Variants in TSPOAP1 observed in about 807,000 individuals in gnomAD.
The protein encoded by TSPOAP1 is TSPO associated protein 1.
A neutral mutation model predicts 197.0 loss-of-function variants in TSPOAP1; 87 were observed. That is an observed-to-expected ratio of 0.44 (90% CI 0.37 to 0.53). TSPOAP1 has a LOEUF of 0.53. TSPOAP1 is among the 20% of genes least tolerant of loss of function. The probability of loss-of-function intolerance (pLI) is 0.00; values close to 1 mark genes in which losing one functional copy is unlikely to be tolerated. For synonymous variants in TSPOAP1, 913 were observed against 998.9 expected, an observed-to-expected ratio of 0.91 and a Z score of 1.62; for missense variants, 2,174 against 2,411.3, an observed-to-expected ratio of 0.90 and a Z score of 2.06.
At chr17:58,314,754 ACAAAGGCAGGAGTCTT>A (rs2049645206) in intron 16 of TSPOAP1, among the ~76,000 whole-genome samples, 1 of 152,252 alleles carries the variant, frequency 6.6e-6, no homozygotes, top group African/African-American at 2.4e-5. Flanking sequence ...GGAGTGGGAG[ACAAAGGCAGGAGTCTT>A]CACACTAAGA....
At chr17:58,318,534 G>A in intron 13 of TSPOAP1, 82 bp from the exon 14 acceptor site, 1 of 1,375,190 alleles carries the variant, frequency 7.3e-7, no homozygotes, top group Admixed American at 2.4e-5. Flanking sequence ...TTGGATATGG[G>A]GACCAGGCCC....
chr17:58,319,421 C>T lies in TSPOAP1; in HGVS notation c.1495-127G>A, dbSNP rs550968205. ...ATCCACCCAGCCCCAGGCCTGGGCA[C>T]CAGCCTTGCCTTGGCCACCCCACTG... On this transcript the variant is annotated intron_variant, in intron 12 of 31. Coordinates refer to ENST00000343736, the MANE Select transcript of TSPOAP1 (RefSeq NM_004758.4). The T allele has an allele frequency of 3.7e-6, 4 of 1,074,898 alleles. No homozygotes were observed. The Admixed American group carries it at 1.1e-4, about 29-fold the overall frequency. The allele number at this position is 1,074,898 out of a possible 1,614,324, so 66.6% of individuals were successfully genotyped here.
In TSPOAP1 at chr17:58,310,922, G is replaced by T; in HGVS notation, c.3373C>A (p.Gln1125Lys). ...GCAGGGGGTGCTCCTGGAGGCTCTT[G>T]AGTTCCAAGGGGAGCAGGGTGCTGG... ...PLQHPAPLGT[Q>K]EPPGAPPASP... Residue 1125 changes from glutamine (Q) to lysine (K), a missense_variant, in exon 19 of 32, where the codon CAA becomes AAA. Coordinates refer to ENST00000343736, the MANE Select transcript of TSPOAP1 (RefSeq NM_004758.4). 1 of 1,554,810 alleles carries T rather than the reference G, an allele frequency of 6.4e-7. No individual in the cohort carries two copies. Among genetic ancestry groups the T allele is most frequent in the Non-Finnish European group, 8.7e-7 (1 of 1,155,908 alleles).
Position 58,324,865 on chromosome 17 carries a change from CG to C in TSPOAP1, c.887del (p.Pro296ArgfsTer31). 2 of 1,529,888 alleles carry C rather than the reference CG, an allele frequency of 1.3e-6. No individual in the cohort carries two copies. The highest frequency in any genetic ancestry group is 1.7e-6 in the Non-Finnish European group (2 of 1,143,392). The allele number at this position is 1,529,888 out of a possible 1,614,324, so 94.8% of individuals were successfully genotyped here. A position where few individuals can be genotyped will look rare whatever the true frequency, so the allele number is the denominator to read the frequency against. ...ETLPLPPSWP[P>X]GPALQARAGA... is the part of the protein sequence containing the mutation. The stretch of plus-strand genomic sequence containing the variant: ...CTGCTCTGGCCTGGAGAGCAGGGCC[CG>C]GGGGCCAGGACGGCGGGAGCGGGAG... On this transcript the variant is annotated frameshift_variant, in exon 5 of 32. Coordinates refer to ENST00000343736, the MANE Select transcript of TSPOAP1 (RefSeq NM_004758.4). LOFTEE classifies it high-confidence loss of function. This position sits in a 1 kb window ranked among gnomAD's most constrained non-coding sequence, Gnocchi z 5.8.
chr17:58,322,788 G>T lies in TSPOAP1; in HGVS notation c.1195-12C>A, dbSNP rs200863281. The T allele has an allele frequency of 3.2e-5, 52 of 1,612,210 alleles. No homozygotes were observed. The Admixed American group carries it at 5.2e-4, about 16-fold the overall frequency. ...TTCTCCCACTCCACCTGGCGAGGGGGCAGTGACAGGGAGTTGGGTGGGTGA... is the reference window on the plus strand; with the variant it reads ...TTCTCCCACTCCACCTGGCGAGGGGTCAGTGACAGGGAGTTGGGTGGGTGA... On this transcript the variant is annotated splice_polypyrimidine_tract_variant and intron_variant, in intron 8 of 31. Coordinates refer to ENST00000343736, the MANE Select transcript of TSPOAP1 (RefSeq NM_004758.4). This position sits in a 1 kb window ranked among gnomAD's most constrained non-coding sequence, Gnocchi z 5.0.
chr17:58,325,816 G>T (rs1971577789), intron 3 of TSPOAP1, 103 bp from the exon 4 acceptor site: 2 of 1,282,388 alleles, frequency 1.6e-6, no homozygotes, highest in South Asian at 2.9e-5. Flanking sequence ...AACCTAGGGG[G>T]GTAGCCACCT....
intron 10 of TSPOAP1, among the ~76,000 whole-genome samples, chr17:58,321,695 C>G (rs1424034861): frequency 2.0e-5 from 3 of 152,180 alleles, no homozygotes; most frequent in Admixed American, 2.0e-4. Context: ...CACCATCTCC[C>G]TCCCAGGCCA....
intron 10 of TSPOAP1, chr17:58,321,988 A>T (rs1455907555): frequency 1.5e-5 from 5 of 325,296 alleles, no homozygotes; most frequent in Non-Finnish European, 2.3e-5. Context: ...GAGCATGTGC[A>T]TGTCTACACC....
chr17:58,322,949 C>T lies in TSPOAP1; in HGVS notation c.1194+1G>A. The T allele has an allele frequency of 6.2e-7, 1 of 1,609,536 alleles. No homozygotes were observed. Among genetic ancestry groups the T allele is most frequent in the Non-Finnish European group, 8.5e-7 (1 of 1,177,996 alleles). ...CCACAGCACCTGGGCGGAAGTGGTACCTGCTCCTTCTCTGTGGCTCTCCCA... is the reference window on the plus strand; with the variant it reads ...CCACAGCACCTGGGCGGAAGTGGTATCTGCTCCTTCTCTGTGGCTCTCCCA... On this transcript the variant is annotated splice_donor_variant, in intron 8 of 31. Coordinates refer to ENST00000343736, the MANE Select transcript of TSPOAP1 (RefSeq NM_004758.4). LOFTEE classifies it high-confidence loss of function. This position sits in a 1 kb window ranked among gnomAD's most constrained non-coding sequence, Gnocchi z 5.0.
In TSPOAP1 at chr17:58,310,892, G is replaced by A. The variant is rs1217052648; in HGVS notation, c.3403C>T (p.Pro1135Ser). The A allele has an allele frequency of 1.9e-6, 3 of 1,543,750 alleles. No individual in the cohort carries two copies. The highest frequency in any genetic ancestry group is 2.6e-6 in the Non-Finnish European group (3 of 1,150,122). Residue 1135 changes from proline (P) to serine (S), a missense_variant, in exon 19 of 32, where the codon CCT becomes TCT. Coordinates refer to ENST00000343736, the MANE Select transcript of TSPOAP1 (RefSeq NM_004758.4). ...QEPPGAPPASPSREMAKGSHE... is the reference protein window; with the variant it reads ...QEPPGAPPASSSREMAKGSHE... ...GACCCTTTTGCCATCTCTCTGGAAG[G>A]GCTTGCAGGGGGTGCTCCTGGAGGC...
rs1188590254 is a variant in TSPOAP1 at position 58,326,625 on chromosome 17, AC to A, written c.441+57del. Reference sequence around the variant, plus strand: ...AAGATGTTCATGGGGTGAGGAGGGCACTGAGGCAGAGGGCCTGGCTCCAGCC... The same window carrying A: ...AAGATGTTCATGGGGTGAGGAGGGCATGAGGCAGAGGGCCTGGCTCCAGCC... On this transcript the variant is annotated intron_variant, in intron 2 of 31. Transcript: ENST00000343736. This position sits in a 1 kb window ranked among gnomAD's most constrained non-coding sequence, Gnocchi z 4.7. The A allele has an allele frequency of 3.8e-6, 6 of 1,579,792 alleles. No homozygotes were observed. Among genetic ancestry groups the A allele is most frequent in the Non-Finnish European group, 5.2e-6 (6 of 1,150,376 alleles).
At position 58,310,958 on chromosome 17, in the gene TSPOAP1, T is replaced by C. The variant is rs1173389559; in HGVS notation, c.3337A>G (p.Ser1113Gly). Residue 1113 changes from serine (S) to glycine (G), a missense_variant, in exon 19 of 32, where the codon AGC (serine) becomes GGC (glycine). This residue lies in a region of TSPOAP1 where 1,933 missense variants were observed against 2,139.0 expected (regional missense o/e 0.90). Transcript: ENST00000343736. ...ASASPGPGDP[S>G]SPLQHPAPLG... Reference sequence around the variant, plus strand: ...GGAGCAGGGTGCTGGAGAGGAGAGCTGGGGTCTCCAGGCCCTGGGGAGGCT... The same window carrying C: ...GGAGCAGGGTGCTGGAGAGGAGAGCCGGGGTCTCCAGGCCCTGGGGAGGCT... 9.5e-6 allele frequency: 15 copies of C among 1,585,382 alleles called. No individual in the cohort carries two copies. Among genetic ancestry groups the C allele is most frequent in the Non-Finnish European group, 1.1e-5 (13 of 1,167,520 alleles).
At chr17:58,327,564 C>T in intron 1 of TSPOAP1, 24 bp downstream of exon 1, 3 of 1,599,544 alleles carry the variant, frequency 1.9e-6, no homozygotes, top group Non-Finnish European at 2.6e-6. Context: ...CCTTGCAGAC[C>T]CCAGCCCTCC....
chr17:58,301,864 A>T lies in TSPOAP1; in HGVS notation c.*616T>A, dbSNP rs1970731561. On this transcript the variant is annotated 3_prime_UTR_variant, in exon 32 of 32. Coordinates refer to ENST00000343736, the MANE Select transcript of TSPOAP1 (RefSeq NM_004758.4). The stretch of plus-strand genomic sequence containing the variant: ...AGACAGGATCAGGACAGCCAGAGCC[A>T]TCAGGGGGCACAGGCTCCTTTCTCC... 1 of 162,260 alleles carries T rather than the reference A, an allele frequency of 6.2e-6. No individual in the cohort carries two copies. Among genetic ancestry groups the T allele is most frequent in the African/African-American group, 2.4e-5 (1 of 41,492 alleles). 10.1% of individuals were successfully genotyped at this position (162,260 alleles called of 1,614,324 possible).
intron 12 of TSPOAP1, 108 bp downstream of exon 12, chr17:58,320,001 T>G: frequency 1.4e-6 from 2 of 1,428,278 alleles, no homozygotes; most frequent in East Asian, 2.3e-5. Flanking sequence ...CTGCTCCCAG[T>G]GACACCCCCT....
In TSPOAP1 at chr17:58,324,857, G is replaced by C; in HGVS notation, c.896C>G (p.Ala299Gly). Residue 299 changes from alanine (A) to glycine (G), a missense_variant, in exon 5 of 32, where the codon GCT (alanine) becomes GGT (glycine). Transcript: ENST00000343736. The surrounding 1 kb of genome is among the most constrained non-coding windows in gnomAD (Gnocchi z 5.8). ...AGGCGCCCCTGCTCTGGCCTGGAGA[G>C]CAGGGCCCGGGGGCCAGGACGGCGG... The part of the protein sequence containing the change: ...PLPPSWPPGP[A>G]LQARAGAPAP... The C allele has an allele frequency of 6.5e-7, 1 of 1,527,938 alleles. No individual in the cohort carries two copies. The highest frequency in any genetic ancestry group is 1.2e-5 in the South Asian group (1 of 83,452). 94.6% of individuals were successfully genotyped at this position (1,527,938 alleles called of 1,614,324 possible).
In TSPOAP1 at chr17:58,318,439, C is replaced by A; in HGVS notation, c.1713G>T (p.Pro571=). The change falls in exon 14 of 32, where the codon CCG becomes CCT. Residue 571 remains proline (P), a synonymous_variant. Transcript: ENST00000343736. ...RGSGPKDLDL[P]PGSPGRCTPK... is the part of the protein sequence containing the mutation. ...GGGTGCAGCGCCCAGGGGAGCCCGG[C>A]GGGAGGTCAAGGTCTAAAGAGAAGA... 6.2e-7 allele frequency: 1 copy of A among 1,612,790 alleles called. No individual in the cohort carries two copies. The highest frequency in any genetic ancestry group is 8.5e-7 in the Non-Finnish European group (1 of 1,179,602).
In TSPOAP1 at chr17:58,309,219, G is replaced by C; in HGVS notation, c.4053C>G (p.Gly1351=). 6.2e-7 allele frequency: 1 copy of C among 1,614,048 alleles called. No homozygotes were observed. Among genetic ancestry groups the C allele is most frequent in the Non-Finnish European group, 8.5e-7 (1 of 1,180,014 alleles). ...EDEEEEKSGA[G]CSSRDPGPPE... ...GCGGGCCAGGGTCTCGGGAAGAACA[G>C]CCTGCCCCTGACTTCTCCTCCTCCT... is the stretch of plus-strand genomic sequence containing the variant. Residue 1351 remains glycine, a synonymous_variant, in exon 22 of 32, where the codon GGC becomes GGG. Coordinates refer to ENST00000343736, the MANE Select transcript of TSPOAP1 (RefSeq NM_004758.4). The surrounding 1 kb of genome is among the most constrained non-coding windows in gnomAD (Gnocchi z 5.0).
intron 1 of TSPOAP1, among the ~76,000 whole-genome samples, chr17:58,327,229 CCTCCACACT>C (rs1971654524): frequency 6.6e-6 from 1 of 152,116 alleles, no homozygotes; most frequent in Non-Finnish European, 1.5e-5. Flanking sequence ...TCTCTGTGCA[CCTCCACACT>C]CCCCCTGTAT....
Sources: gnomAD v4.1 joint callset for allele counts (sites outside exome capture counted in the v4.1 genomes callset) on GRCh38, gnomAD v4.1.1 for gene constraint, gnomAD v4.1.1 regional missense constraint, Gnocchi (gnomAD v3.1) non-coding constraint, MANE v1.5 for transcripts, NCBI Gene and HGNC (gene_info 2026-07-23, HGNC 2026-07-21) for gene names.